The following FUT9 variants were observed in gnomAD, a reference collection of about 807,000 sequenced individuals.
The protein encoded by FUT9 is 4-galactosyl-N-acetylglucosaminide 3-alpha-L-fucosyltransferase 9.
A neutral mutation model predicts 29.7 loss-of-function variants in FUT9; 15 were observed. That is an observed-to-expected ratio of 0.51 (90% CI 0.34 to 0.78). The LOEUF (loss-of-function observed/expected upper bound fraction) is 0.78. FUT9 is among the 30% of genes least tolerant of loss of function. FUT9 has a pLI of 0.01. For synonymous variants in FUT9, 169 were observed against 153.7 expected (o/e 1.10, Z -0.74); for missense variants, 319 against 425.4 (o/e 0.75, Z 2.20).
chr6:96,153,638 G>A (rs888155389), intron 2 of FUT9, among the ~76,000 whole-genome samples: 1 of 152,084 alleles, frequency 6.6e-6, no homozygotes, highest in Non-Finnish European at 1.5e-5. Context: ...CCTTTACAAA[G>A]GTCTTCAGTC....
At chr6:96,023,466 T>G (rs1295403175) in intron 1 of FUT9, among the ~76,000 whole-genome samples, 1 of 151,904 alleles carries the variant, frequency 6.6e-6, no homozygotes, top group African/African-American at 2.4e-5. Context: ...TGCTGACTTA[T>G]GTACTACTGA....
chr6:96,130,365 G>T (rs2127968841), intron 2 of FUT9, among the ~76,000 whole-genome samples: 1 of 152,186 alleles, frequency 6.6e-6, no homozygotes, highest in South Asian at 2.1e-4. Flanking sequence ...TGGTGTGAAT[G>T]CTAATGTCAC....
chr6:96,120,641 A>G (rs1772011304), intron 2 of FUT9, among the ~76,000 whole-genome samples: 1 of 100,292 alleles, frequency 1.0e-5, no homozygotes, highest in South Asian at 3.4e-4. Flanking sequence ...ACTTTCTACT[A>G]TTCTGCCTGG....
intron 2 of FUT9, among the ~76,000 whole-genome samples, chr6:96,123,060 CAAAAAAAAAAAAAAAAAAAAAAAAA>C (rs56330234): frequency 3.1e-5 from 2 of 64,970 alleles, no homozygotes; most frequent in Non-Finnish European, 5.2e-5. Flanking sequence ...GACTCAGTCT[CAAAAAAAAAAAAAAAAAAAAAAAAA>C]AAAAAAAAAA....
At chr6:96,022,927 A>G (rs1770100227) in intron 1 of FUT9, among the ~76,000 whole-genome samples, 1 of 151,868 alleles carries the variant, frequency 6.6e-6, no homozygotes, top group Non-Finnish European at 1.5e-5. Flanking sequence ...GGCTCCTGTG[A>G]ATGGAAGCTG....
intron 1 of FUT9, among the ~76,000 whole-genome samples, chr6:96,112,787 A>T (rs1203583768): frequency 2.0e-5 from 3 of 152,210 alleles, no homozygotes; most frequent in Non-Finnish European, 2.9e-5. Context: ...TTTTGACGGG[A>T]TAAGCTTATG....
intron 2 of FUT9, among the ~76,000 whole-genome samples, chr6:96,169,228 C>T (rs1773069129): frequency 6.6e-6 from 1 of 152,136 alleles, no homozygotes; most frequent in East Asian, 1.9e-4. Context: ...GAATATGAAG[C>T]AAATACGCTG....
chr6:96,106,648 G>T (rs1450616697), intron 1 of FUT9, among the ~76,000 whole-genome samples: 1 of 152,186 alleles, frequency 6.6e-6, no homozygotes, highest in African/African-American at 2.4e-5. Context: ...GTGCATTGCA[G>T]TCTTTGGAAG....
intron 1 of FUT9, among the ~76,000 whole-genome samples, chr6:96,099,483 CT>C (rs1771551897): frequency 6.6e-6 from 1 of 152,092 alleles, no homozygotes; most frequent in African/African-American, 2.4e-5. Flanking sequence ...GAAACAGTAT[CT>C]CATTAACACT....
chr6:96,148,879 G>A (rs1035882561), intron 2 of FUT9, among the ~76,000 whole-genome samples: 1 of 152,128 alleles, frequency 6.6e-6, no homozygotes, highest in African/African-American at 2.4e-5. Flanking sequence ...TTGAGGCCAG[G>A]CACAGTGGTT....
At chr6:96,167,075 G>A (rs1773028314) in intron 2 of FUT9, among the ~76,000 whole-genome samples, 1 of 152,142 alleles carries the variant, frequency 6.6e-6, no homozygotes. Flanking sequence ...TTTACTCTCT[G>A]ATTAAATGCT....
At chr6:96,101,802 C>T (rs929105619) in intron 1 of FUT9, among the ~76,000 whole-genome samples, 4 of 149,430 alleles carry the variant, frequency 2.7e-5, no homozygotes, top group Non-Finnish European at 4.5e-5. Flanking sequence ...GACAGGTATG[C>T]ACCACCACGC....
In FUT9 at chr6:96,207,127, T is replaced by A. The variant is rs1773846232; in HGVS notation, c.*2892T>A. On this transcript the variant is annotated 3_prime_UTR_variant, in exon 3 of 3. Transcript: ENST00000302103. ...GAGCTGGAAGGAATTATAATTTTGT[T>A]GTTTATAATTGCTATAATATAGAAA... The A allele has an allele frequency of 1.2e-5, 2 of 166,608 alleles. No individual in the cohort carries two copies. The highest frequency in any genetic ancestry group is 4.8e-5 in the African/African-American group (2 of 41,436). 10.3% of individuals were successfully genotyped at this position (166,608 alleles called of 1,614,324 possible). A position where few individuals can be genotyped will look rare whatever the true frequency, so the allele number is the denominator to read the frequency against.
At chr6:96,165,337 A>AG (rs1167008503) in intron 2 of FUT9, among the ~76,000 whole-genome samples, 1 of 151,820 alleles carries the variant, frequency 6.6e-6, no homozygotes, top group Non-Finnish European at 1.5e-5. Context: ...AGGCTGAGGC[A>AG]GGGGAATTGC....
chr6:96,085,144 T>C (rs1346557593), intron 1 of FUT9, among the ~76,000 whole-genome samples: 1 of 152,184 alleles, frequency 6.6e-6, no homozygotes, highest in African/African-American at 2.4e-5. Flanking sequence ...ACATTAGAGA[T>C]TCCAAAGATA....
intron 2 of FUT9, among the ~76,000 whole-genome samples, chr6:96,171,469 A>T (rs1245462187): frequency 6.6e-6 from 1 of 151,666 alleles, no homozygotes; most frequent in Non-Finnish European, 1.5e-5. Flanking sequence ...TGGAGTTCCC[A>T]GTAAGGCTTA....
chr6:96,114,151 A>G (rs1582241025), intron 2 of FUT9, 24 bp downstream of exon 2: 1 of 152,098 alleles, frequency 6.6e-6, no homozygotes, highest in Non-Finnish European at 1.5e-5. Flanking sequence ...TACTTTCTCA[A>G]TCTAGCTTGA....
intron 1 of FUT9, among the ~76,000 whole-genome samples, chr6:96,108,161 A>G (rs1771728024): frequency 6.6e-6 from 1 of 152,078 alleles, no homozygotes; most frequent in Non-Finnish European, 1.5e-5. Flanking sequence ...ATTCTTATTC[A>G]TATTTCTACC....
chr6:96,140,431 G>C (rs1447869747), intron 2 of FUT9, among the ~76,000 whole-genome samples: 1 of 152,138 alleles, frequency 6.6e-6, no homozygotes, highest in Non-Finnish European at 1.5e-5. Flanking sequence ...CAGTTCCAAA[G>C]TCGCTTCCAC....
Sources: allele counts gnomAD v4.1 joint callset (sites outside exome capture counted in the v4.1 genomes callset), GRCh38; gene constraint gnomAD v4.1.1; transcripts MANE v1.5; gene names NCBI Gene and HGNC (gene_info 2026-07-23, HGNC 2026-07-21).